The following GDA variants were observed in gnomAD, a reference collection of about 807,000 sequenced individuals.
GDA encodes cytoplasmic PSD-95 interactor.
A neutral mutation model predicts 59.6 loss-of-function variants in GDA; 18 were observed. That is an observed-to-expected ratio of 0.30 (90% CI 0.21 to 0.45). The LOEUF (loss-of-function observed/expected upper bound fraction) is 0.45. GDA is among the 20% of genes least tolerant of loss of function. GDA has a pLI of 1.00. For missense variants in GDA, 427 were observed against 552.3 expected (o/e 0.77, Z 2.27); for synonymous variants, 201 against 201.1 (o/e 1.00, Z 0.00).
At chr9:72,157,525 A>G (rs1293275529) in intron 1 of GDA, among the ~76,000 whole-genome samples, 1 of 152,158 alleles carries the variant, frequency 6.6e-6, no homozygotes, top group African/African-American at 2.4e-5. Context: ...ACCCATATCA[A>G]TAGTCAAGCC....
At chr9:72,184,309 T>C (rs950302390) in intron 1 of GDA, among the ~76,000 whole-genome samples, 2 of 152,230 alleles carry the variant, frequency 1.3e-5, no homozygotes, top group Admixed American at 6.5e-5. Flanking sequence ...TTGACCATTA[T>C]AGTATCATAG....
At chr9:72,138,588 A>G (rs1477676129) in intron 1 of GDA, among the ~76,000 whole-genome samples, 1 of 152,218 alleles carries the variant, frequency 6.6e-6, no homozygotes, top group Admixed American at 6.5e-5. Context: ...CATAGCAGTA[A>G]AGGAGACAGA....
chr9:72,203,590 G>A (rs1420126472), intron 3 of GDA, among the ~76,000 whole-genome samples: 1 of 152,206 alleles, frequency 6.6e-6, no homozygotes, highest in Non-Finnish European at 1.5e-5. Context: ...CAGTAAAGGA[G>A]CTAAAGCGCA....
intron 1 of GDA, among the ~76,000 whole-genome samples, chr9:72,190,686 C>G (rs570804507): frequency 1.4e-4 from 22 of 152,112 alleles, no homozygotes; most frequent in Non-Finnish European, 2.5e-4. Flanking sequence ...TAATTCTATT[C>G]TACTTCCCTC....
chr9:72,176,873 C>G (rs1830594399), intron 1 of GDA, among the ~76,000 whole-genome samples: 1 of 152,118 alleles, frequency 6.6e-6, no homozygotes, highest in African/African-American at 2.4e-5. Context: ...CTTCCACATT[C>G]TGGTCACCTC....
chr9:72,131,964 T>A (rs1826040787), intron 1 of GDA, among the ~76,000 whole-genome samples: 2 of 152,180 alleles, frequency 1.3e-5, no homozygotes, highest in Non-Finnish European at 2.9e-5. Context: ...AAGGAGCAAG[T>A]CATATCTTAC....
chr9:72,182,982 A>G (rs2131103602), intron 1 of GDA, among the ~76,000 whole-genome samples: 1 of 152,256 alleles, frequency 6.6e-6, no homozygotes, highest in South Asian at 2.1e-4. Flanking sequence ...CCTTTTGACT[A>G]CTTTCTGACT....
downstream of GDA, among the ~76,000 whole-genome samples, chr9:72,258,884 G>T (rs1400188538): frequency 6.6e-6 from 1 of 152,198 alleles, no homozygotes; most frequent in Non-Finnish European, 1.5e-5. Context: ...GGCACAGAAT[G>T]GGTAATGACA....
At chr9:72,259,857 A>T (rs7047289), downstream of GDA, among the ~76,000 whole-genome samples, 1 of 152,228 alleles carries the variant, frequency 6.6e-6, no homozygotes, top group Non-Finnish European at 1.5e-5. Flanking sequence ...GACTTAATAA[A>T]TATTTGAACA....
At chr9:72,256,314 A>G (rs1336741586), downstream of GDA, among the ~76,000 whole-genome samples, 1 of 152,242 alleles carries the variant, frequency 6.6e-6, no homozygotes, top group Non-Finnish European at 1.5e-5. Flanking sequence ...CATAATAAAT[A>G]CCAGGTATGG....
At position 72,195,551 on chromosome 9, in the gene GDA, T is replaced by G; in HGVS notation, c.175T>G (p.Cys59Gly). 1 of 1,581,484 alleles carries G rather than the reference T, an allele frequency of 6.3e-7. No homozygotes were observed. Among genetic ancestry groups the G allele is most frequent in the Non-Finnish European group, 8.6e-7 (1 of 1,157,014 alleles). The change falls in exon 2 of 14, where the codon TGC becomes GGC. Residue 59 changes from cysteine to glycine, a missense_variant. Coordinates refer to ENST00000358399, the MANE Select transcript of GDA (RefSeq NM_004293.5). ...SQQEKLAKEW[C>G]FKPCEIRELS... ...ACAGGAAAAACTGGCCAAAGAATGG[T>G]GCTTCAAGCCGTGTGAAATAAGAGA...
chr9:72,240,972 T>A (rs1289083965), intron 10 of GDA, among the ~76,000 whole-genome samples, 180 bp from the exon 11 acceptor site: 1 of 152,256 alleles, frequency 6.6e-6, no homozygotes, highest in Non-Finnish European at 1.5e-5. Flanking sequence ...CATTTGACAC[T>A]AATTACAGAT....
intron 11 of GDA, among the ~76,000 whole-genome samples, chr9:72,244,176 C>CAA (rs1039375512): frequency 8.5e-6 from 1 of 117,450 alleles, no homozygotes; most frequent in African/African-American, 3.2e-5. Flanking sequence ...GACTCCGTCT[C>CAA]AAAAAAAAAA....
chr9:72,143,387 C>T (rs1205750015), intron 1 of GDA, among the ~76,000 whole-genome samples: 1 of 152,052 alleles, frequency 6.6e-6, no homozygotes, highest in East Asian at 1.9e-4. Flanking sequence ...CCTAGGCCTC[C>T]CAAAGTGCTG....
intron 1 of GDA, among the ~76,000 whole-genome samples, chr9:72,181,944 C>T (rs1039754825): frequency 3.3e-5 from 5 of 152,080 alleles, no homozygotes; most frequent in African/African-American, 9.7e-5. Context: ...AGACTTCACC[C>T]GGATTCTCAG....
chr9:72,250,090 C>G lies in GDA; in HGVS notation c.*1748C>G. ...ATTTCCAATATTTCTAATTCCTGAG[C>G]CACGTCAAAGATGCCTTGCCAAATT... is the stretch of plus-strand genomic sequence containing the variant. On this transcript the variant is annotated 3_prime_UTR_variant, in exon 14 of 14. Transcript: ENST00000358399. The G allele has an allele frequency of 3.0e-6, 3 of 983,864 alleles. No individual in the cohort carries two copies. Among genetic ancestry groups the G allele is most frequent in the Non-Finnish European group, 3.6e-6 (3 of 828,560 alleles). 60.9% of individuals were successfully genotyped at this position (983,864 alleles called of 1,614,324 possible).
chr9:72,231,289 G>A, intron 10 of GDA, 108 bp downstream of exon 10: 1 of 679,860 alleles, frequency 1.5e-6, no homozygotes, highest in Non-Finnish European at 2.7e-6. Context: ...AAAAAAATTA[G>A]TTTTGGGCCG....
At chr9:72,256,793 A>G (rs1383420501), downstream of GDA, among the ~76,000 whole-genome samples, 9 of 152,132 alleles carry the variant, frequency 5.9e-5, no homozygotes. Context: ...AAGAATTTGC[A>G]TTACCAACAA....
chr9:72,252,081 C>CTGAT lies in GDA; in HGVS notation c.*3740_*3743dup. 1 of 152,662 alleles carries CTGAT rather than the reference C, an allele frequency of 6.6e-6. No homozygotes were observed. 9.5% of individuals were successfully genotyped at this position (152,662 alleles called of 1,614,324 possible). On this transcript the variant is annotated 3_prime_UTR_variant, in exon 14 of 14. Transcript: ENST00000358399. ...CCACTTTACATTTGTTGTTAAACTCCTGATCGCTACTCTTAAGAATATACA... is the reference window on the plus strand; with the variant it reads ...CCACTTTACATTTGTTGTTAAACTCCTGATTGATCGCTACTCTTAAGAATATACA...
Sources: allele counts gnomAD v4.1 joint callset (sites outside exome capture counted in the v4.1 genomes callset), GRCh38; gene constraint gnomAD v4.1.1; transcripts MANE v1.5; gene names NCBI Gene and HGNC (gene_info 2026-07-23, HGNC 2026-07-21).